LUZP1: variants seen among roughly 807,000 people sequenced by gnomAD.
LUZP1 encodes leucine zipper protein 1, also known as filamin mechanobinding actin cross-linking protein.
A neutral mutation model predicts 71.3 loss-of-function variants in LUZP1; 25 were observed. That is an observed-to-expected ratio of 0.35 (90% CI 0.26 to 0.49). LUZP1 has a LOEUF of 0.49. Among genes scored for constraint, LUZP1 ranks in the 20% least tolerant of loss-of-function variants. The probability of loss-of-function intolerance (pLI) is 0.99; values close to 1 mark genes in which losing one functional copy is unlikely to be tolerated. For missense variants in LUZP1, 1,142 were observed against 1,300.8 expected, an observed-to-expected ratio of 0.88 and a Z score of 1.88; for synonymous variants, 481 against 506.4, an observed-to-expected ratio of 0.95 and a Z score of 0.67.
intron 2 of LUZP1, among the ~76,000 whole-genome samples, chr1:23,136,437 G>C (rs895405713): frequency 6.6e-6 from 1 of 152,056 alleles, no homozygotes; most frequent in Non-Finnish European, 1.5e-5. Flanking sequence ...AAATGAGAGG[G>C]AGTATAATCT....
chr1:23,147,042 A>G (rs1325868496), intron 2 of LUZP1, among the ~76,000 whole-genome samples: 1 of 151,738 alleles, frequency 6.6e-6, no homozygotes, highest in African/African-American at 2.4e-5. Flanking sequence ...GGTTGCAGTG[A>G]GCCGAGATCG....
At chr1:23,134,765 G>A (rs565717861) in intron 2 of LUZP1, among the ~76,000 whole-genome samples, 4 of 152,148 alleles carry the variant, frequency 2.6e-5, no homozygotes, top group African/African-American at 9.6e-5. Flanking sequence ...CCTGGGGGAC[G>A]GTGTGAGACC....
chr1:23,102,830 G>A (rs534442469), intron 3 of LUZP1, among the ~76,000 whole-genome samples: 1 of 152,144 alleles, frequency 6.6e-6, no homozygotes, highest in African/African-American at 2.4e-5. Flanking sequence ...AAAAGCAAAA[G>A]ACAGTGGGCC....
intron 2 of LUZP1, among the ~76,000 whole-genome samples, chr1:23,166,603 C>T (rs1471658166): frequency 2.2e-5 from 3 of 138,766 alleles, no homozygotes; most frequent in Non-Finnish European, 4.5e-5. Context: ...TGCAGTGAGC[C>T]GAGATCGCAC....
intron 2 of LUZP1, chr1:23,109,466 C>G (rs1644010867): frequency 6.6e-6 from 1 of 152,210 alleles, no homozygotes; most frequent in Non-Finnish European, 1.5e-5. Flanking sequence ...AGCTAGGAAG[C>G]ATCTCAGAAA....
At chr1:23,176,734 T>A (rs1334836919) in intron 1 of LUZP1, among the ~76,000 whole-genome samples, 1 of 152,192 alleles carries the variant, frequency 6.6e-6, no homozygotes, top group East Asian at 1.9e-4. Context: ...AGATCTGGGA[T>A]CCTGTAGAGG....
rs751241222 is a variant in LUZP1, at chr1:23,094,173, A to C, written c.89T>G (p.Leu30Trp). The change falls in exon 4 of 5, where the codon TTG becomes TGG. Residue 30 changes from leucine (L) to tryptophan (W), a missense_variant. By Grantham distance (61) the Leu-to-Trp change is moderately conservative (BLOSUM62 -2). Transcript: ENST00000302291. This position sits in a 1 kb window ranked among gnomAD's most constrained non-coding sequence, Gnocchi z 4.7. ...CTGGAGGTTTTTTGTGGCTTCCTCC[A>C]ACTCATCAAGGCGGCGGCTTAGACT... 1.2e-6 allele frequency: 2 copies of C among 1,614,160 alleles called. No individual in the cohort carries two copies. Among genetic ancestry groups the C allele is most frequent in the South Asian group, 1.1e-5 (1 of 91,080 alleles).
At chr1:23,087,562 T>C (rs993284662) in exon 5 of LUZP1, 6 of 152,618 alleles carry the variant, frequency 3.9e-5, no homozygotes, top group Admixed American at 3.9e-4. Context: ...TTTAATGTTC[T>C]CTCATTCTGA....
intron 2 of LUZP1, among the ~76,000 whole-genome samples, chr1:23,163,145 G>A (rs1490576985): frequency 6.7e-6 from 1 of 150,276 alleles, no homozygotes; most frequent in African/African-American, 2.5e-5. Flanking sequence ...GAGGCTGAGG[G>A]AGAAGAATCG....
chr1:23,175,019 T>C (rs589254), intron 1 of LUZP1, among the ~76,000 whole-genome samples: 27,306 of 152,116 alleles, frequency 0.18, 2,526 homozygotes, highest in East Asian at 0.27. Context: ...ACTTTACATA[T>C]ACTACCTCTT....
At chr1:23,154,166 G>T (rs551762208) in intron 2 of LUZP1, among the ~76,000 whole-genome samples, 4 of 152,280 alleles carry the variant, frequency 2.6e-5, no homozygotes, top group African/African-American at 9.6e-5. Flanking sequence ...TTGCCTGAGG[G>T]TAAGAATTGG....
At chr1:23,104,157 C>T (rs79891104) in intron 3 of LUZP1, among the ~76,000 whole-genome samples, 26,637 of 151,300 alleles carry the variant, frequency 0.18, 2,474 homozygotes, top group Middle Eastern at 0.3. Flanking sequence ...ACAGCCATTC[C>T]GATGGTAAAC....
chr1:23,098,675 C>T (rs907785122), intron 3 of LUZP1, among the ~76,000 whole-genome samples: 1 of 152,084 alleles, frequency 6.6e-6, no homozygotes, highest in Non-Finnish European at 1.5e-5. Context: ...TAGGTGATGT[C>T]GTCCAATAAG....
rs192899228 is a variant in LUZP1 at position 23,137,172 on chromosome 1, G to A, written c.-225-28045C>T. Among the ~76,000 whole-genome samples, 25 of 152,190 alleles carry A rather than the reference G, an allele frequency of 1.6e-4. No homozygotes were observed. The East Asian group carries it at 2.7e-3, about 16-fold the overall frequency. On this transcript the variant is annotated intron_variant, in intron 2 of 4. Coordinates refer to ENST00000302291, the Ensembl canonical transcript of LUZP1. ...CCAAATCCTATATCCAGTAAGAGAC[G>A]AGTATCCAGAATATACAGAGAGATA...
intron 3 of LUZP1, among the ~76,000 whole-genome samples, chr1:23,101,807 T>A (rs1643933495): frequency 6.6e-6 from 1 of 152,208 alleles, no homozygotes; most frequent in Non-Finnish European, 1.5e-5. Context: ...CTGCCTCCCT[T>A]ACTCTGTGTT....
intron 2 of LUZP1, among the ~76,000 whole-genome samples, chr1:23,120,020 C>T (rs2124664328): frequency 6.6e-6 from 1 of 151,906 alleles, no homozygotes; most frequent in South Asian, 2.1e-4. Context: ...TGGCTTCCTG[C>T]AGTCTCAACC....
At chr1:23,150,169 A>G (rs961219830) in intron 2 of LUZP1, among the ~76,000 whole-genome samples, 1 of 152,100 alleles carries the variant, frequency 6.6e-6, no homozygotes, top group Non-Finnish European at 1.5e-5. Flanking sequence ...ATACTAGAGA[A>G]TGCAATGAAG....
In LUZP1 at chr1:23,090,772, C is replaced by T. The variant is rs191446756; in HGVS notation, c.3072+418G>A. On this transcript the variant is annotated intron_variant, in intron 4 of 4. Transcript: ENST00000302291. ...GCCGAGAACTTGCTGACCTGGCTCCCCCTCACTGTGCCCTACAGAAAGGGC... is the reference window on the plus strand; with the variant it reads ...GCCGAGAACTTGCTGACCTGGCTCCTCCTCACTGTGCCCTACAGAAAGGGC... 178 of 685,954 alleles carry T rather than the reference C, an allele frequency of 2.6e-4. 2 individuals carry two copies. Among genetic ancestry groups the T allele is most frequent in the South Asian group, 2.2e-3 (146 of 64,906 alleles). 42.5% of individuals were successfully genotyped at this position (685,954 alleles called of 1,614,324 possible).
At chr1:23,123,073 A>C (rs925706949) in intron 2 of LUZP1, among the ~76,000 whole-genome samples, 13 of 152,238 alleles carry the variant, frequency 8.5e-5, no homozygotes, top group African/African-American at 3.1e-4. Flanking sequence ...ACCTACCTAG[A>C]AGAATACAGC....
Sources: allele counts gnomAD v4.1 joint callset (sites outside exome capture counted in the v4.1 genomes callset), GRCh38; gene constraint gnomAD v4.1.1; non-coding constraint Gnocchi (gnomAD v3.1); transcripts MANE v1.5; gene names NCBI Gene and HGNC (gene_info 2026-07-23, HGNC 2026-07-21).